The following L3MBTL3 variants were observed in gnomAD, a reference collection of about 807,000 sequenced individuals.
The protein encoded by L3MBTL3 is lethal(3)malignant brain tumor-like protein 3.
Under a neutral mutation model 102.3 loss-of-function variants are expected in L3MBTL3, and 27 were observed. That is an observed-to-expected ratio of 0.26 (90% CI 0.19 to 0.36). The LOEUF (loss-of-function observed/expected upper bound fraction) is 0.36, where lower values mean the gene tolerates loss of function less well. L3MBTL3 is among the 10% of genes least tolerant of loss of function. The probability of loss-of-function intolerance (pLI) is 1.00; values close to 1 mark genes in which losing one functional copy is unlikely to be tolerated. For synonymous variants in L3MBTL3, 340 were observed against 320.9 expected (o/e 1.06, Z -0.64); for missense variants, 798 against 955.3 (o/e 0.84, Z 2.17).
Position 130,055,159 on chromosome 6 carries a change from T to G in L3MBTL3, c.583-12T>G. 3 of 1,610,612 alleles carry G rather than the reference T, an allele frequency of 1.9e-6. No homozygotes were observed. The highest frequency in any genetic ancestry group is 2.5e-6 in the Non-Finnish European group (3 of 1,176,890). On this transcript the variant is annotated splice_polypyrimidine_tract_variant and intron_variant, in intron 7 of 22. Transcript: ENST00000361794. ...TGAACTTTAAAGTCATAATTTTCCT[T>G]TCTTTTTGTAGGAGAACAAACAAGA... is the stretch of plus-strand genomic sequence containing the variant.
chr6:130,100,152 G>A (rs1784595919), intron 18 of L3MBTL3, among the ~76,000 whole-genome samples: 2 of 152,092 alleles, frequency 1.3e-5, no homozygotes, highest in Non-Finnish European at 2.9e-5. Context: ...TACTTCTTAG[G>A]ATTGTGAGAA....
At chr6:130,032,852 C>T (rs988964501) in intron 2 of L3MBTL3, among the ~76,000 whole-genome samples, 2 of 152,056 alleles carry the variant, frequency 1.3e-5, no homozygotes, top group African/African-American at 4.8e-5. Context: ...CATTAGCCAG[C>T]TGTGGTGGTG....
At chr6:130,060,472 G>GT (rs906057840) in intron 10 of L3MBTL3, among the ~76,000 whole-genome samples, 67 of 147,024 alleles carry the variant, frequency 4.6e-4, no homozygotes, top group African/African-American at 1.1e-3. Flanking sequence ...TGTGTGTGTT[G>GT]TTTTTTTTTT....
Position 130,139,599 on chromosome 6 carries a change from C to G in L3MBTL3, c.2200-11C>G. 1 of 1,607,336 alleles carries G rather than the reference C, an allele frequency of 6.2e-7. No homozygotes were observed. The highest frequency in any genetic ancestry group is 8.5e-7 in the Non-Finnish European group (1 of 1,176,544). On this transcript the variant is annotated splice_polypyrimidine_tract_variant and intron_variant, in intron 22 of 22. Coordinates refer to ENST00000361794, the MANE Select transcript of L3MBTL3 (RefSeq NM_032438.4). ...TAATCCACATTCTGTTGTTTTTTTC[C>G]CCCATTTTAGCAAATTGATGGAGAA...
At chr6:130,034,301 G>GA in intron 2 of L3MBTL3, among the ~76,000 whole-genome samples, 1 of 151,794 alleles carries the variant, frequency 6.6e-6, no homozygotes, top group African/African-American at 2.4e-5. Context: ...TTCTCAACTT[G>GA]AAAAAAAATC....
rs958493790 is a variant in L3MBTL3 at position 130,019,822 on chromosome 6, G to A, written c.-95+1158G>A. 1.1e-4 allele frequency among the ~76,000 whole-genome samples: 17 copies of A among 148,716 alleles called. No homozygotes were observed. In the South Asian group the frequency reaches 1.7e-3, roughly 15 times the overall value. On this transcript the variant is annotated intron_variant, in intron 1 of 22. Transcript: ENST00000361794. The stretch of plus-strand genomic sequence containing the variant: ...TGCCCGAGGCAGGAAAGTGCTTTGG[G>A]AAGCGAGGCGGCGCGGGCCCGCGGC...
chr6:130,121,066 T>C (rs1367002035), intron 20 of L3MBTL3, 108 bp downstream of exon 20: 1 of 727,506 alleles, frequency 1.4e-6, no homozygotes, highest in Non-Finnish European at 2.3e-6. Flanking sequence ...ATGAATTTTA[T>C]TTTTTATTTT....
At chr6:130,127,055 G>A (rs1042642158) in intron 20 of L3MBTL3, among the ~76,000 whole-genome samples, 11 of 152,200 alleles carry the variant, frequency 7.2e-5, no homozygotes, top group Non-Finnish European at 1.2e-4. Context: ...TTGCAGGCAG[G>A]TGAGGAGCAG....
At chr6:130,089,095 C>A (rs1314986044) in intron 16 of L3MBTL3, among the ~76,000 whole-genome samples, 1 of 151,796 alleles carries the variant, frequency 6.6e-6, no homozygotes, top group Non-Finnish European at 1.5e-5. Flanking sequence ...ACTTTAAGTT[C>A]TAGGATATAT....
At chr6:130,096,573 G>T (rs1440318346) in intron 18 of L3MBTL3, among the ~76,000 whole-genome samples, 1 of 152,186 alleles carries the variant, frequency 6.6e-6, no homozygotes, top group Non-Finnish European at 1.5e-5. Context: ...TTACGTTTGA[G>T]TGGAGAGGTT....
chr6:130,115,592 T>C (rs1214846877), intron 19 of L3MBTL3, among the ~76,000 whole-genome samples: 3 of 152,158 alleles, frequency 2.0e-5, no homozygotes, highest in African/African-American at 7.2e-5. Flanking sequence ...TAATGTCTGT[T>C]TTACTAATAT....
chr6:130,084,519 C>T (rs533970511), intron 15 of L3MBTL3, among the ~76,000 whole-genome samples: 48 of 152,084 alleles, frequency 3.2e-4, no homozygotes, highest in African/African-American at 1.1e-3. Context: ...AACCATAAGG[C>T]ACGAAGAGAA....
intron 5 of L3MBTL3, among the ~76,000 whole-genome samples, chr6:130,050,121 A>G (rs1454700168): frequency 6.6e-6 from 1 of 152,190 alleles, no homozygotes; most frequent in East Asian, 1.9e-4. Context: ...CATCTGAACT[A>G]TTGCAGATGT....
chr6:130,078,478 T>C, intron 13 of L3MBTL3, 80 bp from the exon 14 acceptor site: 1 of 930,620 alleles, frequency 1.1e-6, no homozygotes, highest in Non-Finnish European at 1.7e-6. Flanking sequence ...GTGCTCATGA[T>C]CTCTAGTTTT....
chr6:130,115,623 A>G (rs1785620426), intron 19 of L3MBTL3, among the ~76,000 whole-genome samples: 1 of 152,226 alleles, frequency 6.6e-6, no homozygotes, highest in Non-Finnish European at 1.5e-5. Context: ...GCATAATTAG[A>G]TTAAGACAGT....
At chr6:130,098,446 C>G (rs1784487259) in intron 18 of L3MBTL3, among the ~76,000 whole-genome samples, 1 of 152,152 alleles carries the variant, frequency 6.6e-6, no homozygotes, top group Non-Finnish European at 1.5e-5. Context: ...GAAGCGTCAG[C>G]TTTTTATGAG....
In L3MBTL3 at chr6:130,133,807, T is replaced by A; in HGVS notation, c.2137-36T>A. On this transcript the variant is annotated intron_variant, in intron 21 of 22. Coordinates refer to ENST00000361794, the MANE Select transcript of L3MBTL3 (RefSeq NM_032438.4). The surrounding 1 kb of genome is among the most constrained non-coding windows in gnomAD (Gnocchi z 4.9). ...CTGTAGCATTTAGATTCTGACTGTG[T>A]TTTTTAACTGGGAATTTTGATATTG... is the stretch of plus-strand genomic sequence containing the variant. 6.3e-7 allele frequency: 1 copy of A among 1,578,604 alleles called. No individual in the cohort carries two copies. The highest frequency in any genetic ancestry group is 8.7e-7 in the Non-Finnish European group (1 of 1,147,986).
chr6:130,050,167 C>T (rs1378255685), intron 5 of L3MBTL3, among the ~76,000 whole-genome samples: 1 of 152,200 alleles, frequency 6.6e-6, no homozygotes, highest in African/African-American at 2.4e-5. Context: ...TCCAATTGGT[C>T]CTGCACCTTG....
intron 18 of L3MBTL3, 50 bp from the exon 19 acceptor site, chr6:130,104,375 TA>T: frequency 7.4e-7 from 1 of 1,346,322 alleles, no homozygotes; most frequent in Non-Finnish European, 1.0e-6. Flanking sequence ...AAGTATGGCC[TA>T]ATGGAAATGT....
Sources: allele counts gnomAD v4.1 joint callset (sites outside exome capture counted in the v4.1 genomes callset), GRCh38; gene constraint gnomAD v4.1.1; non-coding constraint Gnocchi (gnomAD v3.1); transcripts MANE v1.5; gene names NCBI Gene and HGNC (gene_info 2026-07-23, HGNC 2026-07-21).